The following TIAM1 variants were observed in gnomAD, a reference collection of about 807,000 sequenced individuals.
The protein encoded by TIAM1 is rho guanine nucleotide exchange factor TIAM1.
A neutral mutation model predicts 163.5 loss-of-function variants in TIAM1; 65 were observed. The ratio of observed to expected loss-of-function variants is 0.40; its 90% CI spans 0.33 to 0.49. The LOEUF (loss-of-function observed/expected upper bound fraction) is 0.49. Ranked by LOEUF, TIAM1 falls within the 20% of genes least tolerant of loss-of-function variation. TIAM1 has a pLI of 0.77. For missense variants in TIAM1, 1,789 were observed against 2,044.7 expected (o/e 0.87, Z 2.41); for synonymous variants, 833 against 810.1 (o/e 1.03, Z -0.48).
intron 2 of TIAM1, among the ~76,000 whole-genome samples, chr21:31,442,939 G>A (rs1284358155): frequency 6.6e-6 from 1 of 152,218 alleles, no homozygotes; most frequent in Non-Finnish European, 1.5e-5. Context: ...AGTCCCCAGG[G>A]ACTGGTCAGG....
At chr21:31,216,142 C>G (rs2087195997) in intron 9 of TIAM1, among the ~76,000 whole-genome samples, 1 of 152,162 alleles carries the variant, frequency 6.6e-6, no homozygotes, top group African/African-American at 2.4e-5. Flanking sequence ...TGCACTCCAT[C>G]CTGGGTGACA....
intron 15 of TIAM1, among the ~76,000 whole-genome samples, chr21:31,174,005 C>T (rs968722298): frequency 2.6e-5 from 4 of 152,154 alleles, no homozygotes; most frequent in East Asian, 1.9e-4. Context: ...TTACGAGGCG[C>T]GCGTGTCTCC....
intron 1 of TIAM1, among the ~76,000 whole-genome samples, chr21:31,513,159 C>CAT (rs1229821870): frequency 6.6e-6 from 1 of 152,078 alleles, no homozygotes; most frequent in Non-Finnish European, 1.5e-5. Flanking sequence ...TCACACATGC[C>CAT]ATATATATAT....
chr21:31,171,294 C>A (rs185755997), intron 15 of TIAM1, among the ~76,000 whole-genome samples: 35 of 152,092 alleles, frequency 2.3e-4, no homozygotes, highest in African/African-American at 8.0e-4. Context: ...TAGAAGACAG[C>A]GTTTATTACT....
At chr21:31,128,362 C>G (rs2082286723) in intron 25 of TIAM1, among the ~76,000 whole-genome samples, 2 of 152,096 alleles carry the variant, frequency 1.3e-5, no homozygotes, top group African/African-American at 4.8e-5. Flanking sequence ...TTAAACTTGA[C>G]TTGAATGAAA....
At position 31,187,052 on chromosome 21, in the gene TIAM1, G is replaced by A. The variant is rs1365792207; in HGVS notation, c.2611C>T (p.Arg871Ter). The change falls in exon 14 of 28, where the codon CGA (arginine) becomes TGA (stop). Residue 871 changes from arginine to a stop codon, truncating the protein, a stop_gained. Coordinates refer to ENST00000541036, the MANE Select transcript of TIAM1 (RefSeq NM_001353694.2). LOFTEE classifies it high-confidence loss of function. Reference protein sequence around the residue: ...SLSSVEEDGIRRLYVNSVKET... With the variant: ...SLSSVEEDGI The stretch of plus-strand genomic sequence containing the variant: ...TTCACACTATTCACGTACAGCCTTC[G>A]AATACCATCTTCTTCCACAGAAGAA... 2 of 1,614,036 alleles carry A rather than the reference G, an allele frequency of 1.2e-6. No individual in the cohort carries two copies. Among genetic ancestry groups the A allele is most frequent in the Admixed American group, 1.7e-5 (1 of 60,018 alleles).
intron 2 of TIAM1, among the ~76,000 whole-genome samples, chr21:31,302,179 A>T (rs958391614): frequency 1.3e-5 from 2 of 152,082 alleles, no homozygotes; most frequent in East Asian, 3.9e-4. Flanking sequence ...AAAAATGTAT[A>T]TATCTCCACT....
intron 2 of TIAM1, among the ~76,000 whole-genome samples, chr21:31,454,305 T>C (rs541931182): frequency 1.3e-5 from 2 of 152,336 alleles, no homozygotes; most frequent in African/African-American, 2.4e-5. Context: ...CATTAAGCAA[T>C]GAGATTGGTC....
At chr21:31,488,508 A>G (rs1345634839) in intron 1 of TIAM1, among the ~76,000 whole-genome samples, 2 of 152,196 alleles carry the variant, frequency 1.3e-5, no homozygotes, top group African/African-American at 2.4e-5. Context: ...AAAGACATAC[A>G]TGAGACTGGG....
chr21:31,138,833 T>A (rs2082722998), intron 22 of TIAM1, among the ~76,000 whole-genome samples: 1 of 152,186 alleles, frequency 6.6e-6, no homozygotes, highest in Non-Finnish European at 1.5e-5. Flanking sequence ...GGGGGTCTAT[T>A]TCCTGCTCGT....
At chr21:31,185,289 G>C (rs1039641289) in intron 14 of TIAM1, among the ~76,000 whole-genome samples, 3 of 151,340 alleles carry the variant, frequency 2.0e-5, no homozygotes, top group Non-Finnish European at 4.4e-5. Flanking sequence ...TAGAATGTCA[G>C]AATGCAACCT....
intron 6 of TIAM1, among the ~76,000 whole-genome samples, chr21:31,244,390 G>T (rs1345051030): frequency 1.3e-5 from 2 of 152,048 alleles, no homozygotes; most frequent in Admixed American, 6.6e-5. Flanking sequence ...ATAAAGATTT[G>T]CTATGTCTGT....
chr21:31,162,710 T>C lies in TIAM1; in HGVS notation c.2991+2252A>G, dbSNP rs565645115. Among the ~76,000 whole-genome samples, 5 of 151,760 alleles carry C rather than the reference T, an allele frequency of 3.3e-5. No homozygotes were observed. In the South Asian group the frequency reaches 8.4e-4, roughly 25 times the overall value. The stretch of plus-strand genomic sequence containing the variant: ...AGGCTGGAGTGCAGTGGCGCGATCT[T>C]GACTCACTGCAACCTCTGTCTCCCA... On this transcript the variant is annotated intron_variant, in intron 16 of 27. Transcript: ENST00000541036.
chr21:31,327,526 G>C (rs1348175257), intron 2 of TIAM1, among the ~76,000 whole-genome samples: 2 of 151,342 alleles, frequency 1.3e-5, no homozygotes, highest in African/African-American at 4.9e-5. Flanking sequence ...TGTGATCCCA[G>C]CTACTTGGGA....
intron 2 of TIAM1, among the ~76,000 whole-genome samples, chr21:31,316,745 G>A (rs1234200611): frequency 6.6e-6 from 1 of 152,166 alleles, no homozygotes; most frequent in Non-Finnish European, 1.5e-5. Context: ...GTCAACAGAG[G>A]AGAGAGTTTG....
At chr21:31,186,833 CTTAAG>C (rs1451627038) in intron 14 of TIAM1, among the ~76,000 whole-genome samples, 163 bp downstream of exon 14, 3 of 152,078 alleles carry the variant, frequency 2.0e-5, no homozygotes, top group African/African-American at 7.2e-5. Flanking sequence ...TTCTGGTACA[CTTAAG>C]TTAATGGAAT....
In TIAM1 at chr21:31,210,085, G is replaced by A. The variant is rs2086645932; in HGVS notation, c.2348C>T (p.Pro783Leu). The A allele has an allele frequency of 1.9e-6, 3 of 1,614,120 alleles. No homozygotes were observed. Among genetic ancestry groups the A allele is most frequent in the Non-Finnish European group, 2.5e-6 (3 of 1,180,024 alleles). Residue 783 changes from proline (P) to leucine (L), a missense_variant, in exon 11 of 28, where the codon CCA becomes CTA. Pro to Leu is a moderately conservative substitution (Grantham distance 98). This residue lies in a region of TIAM1 where 456 missense variants were observed against 586.6 expected (regional missense o/e 0.78). Coordinates refer to ENST00000541036, the MANE Select transcript of TIAM1 (RefSeq NM_001353694.2). The part of the protein sequence containing the change: ...NNQPALTVVR[P>L]GDTARDTLEL... ...CAGGGTGTCCCGTGCAGTGTCGCCT[G>A]GCCGGACGACCGTCAGGGCAGGCTG...
At chr21:31,245,796 G>T in intron 5 of TIAM1, 136 bp from the exon 6 acceptor site, 1 of 851,352 alleles carries the variant, frequency 1.2e-6, no homozygotes. Flanking sequence ...AAAGAGAATG[G>T]AGCCAGGCTT....
chr21:31,417,386 C>A (rs2043408634), intron 2 of TIAM1, among the ~76,000 whole-genome samples: 1 of 152,076 alleles, frequency 6.6e-6, no homozygotes, highest in Non-Finnish European at 1.5e-5. Context: ...GCTGGGGAGG[C>A]CTCACAGTCA....
Sources: allele counts gnomAD v4.1 joint callset (sites outside exome capture counted in the v4.1 genomes callset), GRCh38; gene constraint gnomAD v4.1.1; regional missense constraint gnomAD v4.1.1; transcripts MANE v1.5; gene names NCBI Gene and HGNC (gene_info 2026-07-23, HGNC 2026-07-21).